APBB2: variants seen among roughly 807,000 people sequenced by gnomAD.
The protein encoded by APBB2 is amyloid beta precursor protein binding family B member 2, also known as Fe65-like 1.
In APBB2, 38 loss-of-function variants were observed where a neutral mutation model predicts 82.5. The observed-to-expected ratio is 0.46, with a 90% CI of 0.36 to 0.60. The LOEUF (loss-of-function observed/expected upper bound fraction) is 0.60, where lower values mean the gene tolerates loss of function less well. Among genes scored for constraint, APBB2 ranks in the 20% least tolerant of loss-of-function variants. The pLI is 0.00. For synonymous variants in APBB2, 341 were observed against 368.2 expected, an observed-to-expected ratio of 0.93 and a Z score of 0.85; for missense variants, 772 against 972.3, an observed-to-expected ratio of 0.79 and a Z score of 2.74.
chr4:41,115,818 G>A (rs532709517), intron 2 of APBB2, among the ~76,000 whole-genome samples: 1 of 152,310 alleles, frequency 6.6e-6, no homozygotes, highest in East Asian at 1.9e-4. Context: ...GGAAACAACA[G>A]ATACTAGAGA....
At position 40,827,119 on chromosome 4, in the gene APBB2, G is replaced by A. The variant is rs1750204654; in HGVS notation, c.1732+13C>T. 4 of 1,612,452 alleles carry A rather than the reference G, an allele frequency of 2.5e-6. No individual in the cohort carries two copies. Among genetic ancestry groups the A allele is most frequent in the South Asian group, 2.2e-5 (2 of 91,040 alleles). Reference sequence around the variant, plus strand: ...CAGGGCCATAATGAAGACATGAGGTGCCACTGACTTACCTTGCAAAGGGAC... The same window carrying A: ...CAGGGCCATAATGAAGACATGAGGTACCACTGACTTACCTTGCAAAGGGAC... On this transcript the variant is annotated intron_variant, in intron 14 of 17. Transcript: ENST00000508593.
intron 3 of APBB2, among the ~76,000 whole-genome samples, chr4:41,078,712 T>TAA (rs1335173243): frequency 2.6e-5 from 4 of 152,196 alleles, no homozygotes; most frequent in Non-Finnish European, 5.9e-5. Flanking sequence ...TTCATATGGA[T>TAA]AAACACCTTG....
chr4:41,148,978 A>G (rs189798318), intron 1 of APBB2, among the ~76,000 whole-genome samples: 2 of 152,374 alleles, frequency 1.3e-5, no homozygotes, highest in East Asian at 3.9e-4. Flanking sequence ...CAAAGTATCC[A>G]TGCAAAAGTG....
rs1182974271 is a variant in APBB2, at chr4:40,857,219, G to A, written c.1530-26642C>T. 4 of 979,638 alleles carry A rather than the reference G, an allele frequency of 4.1e-6. No individual in the cohort carries two copies. The African/African-American group carries it at 5.3e-5, about 13-fold the overall frequency. The allele number at this position is 979,638 out of a possible 1,614,324, so 60.7% of individuals were successfully genotyped here. On this transcript the variant is annotated intron_variant, in intron 12 of 17. Coordinates refer to ENST00000508593, the MANE Select transcript of APBB2 (RefSeq NM_004307.2). ...CCCCGCCCGCCGCGGCCGCCCATTG[G>A]CTGCTGGGGAGGCGCGTGGCCCCGC...
intron 6 of APBB2, among the ~76,000 whole-genome samples, chr4:41,012,059 G>T (rs1271717451): frequency 6.6e-6 from 1 of 151,516 alleles, no homozygotes; most frequent in Non-Finnish European, 1.5e-5. Context: ...AGGAGAGATG[G>T]GGTCTTACTG....
intron 6 of APBB2, among the ~76,000 whole-genome samples, chr4:40,962,754 T>A (rs983083053): frequency 6.6e-6 from 1 of 151,736 alleles, no homozygotes; most frequent in Non-Finnish European, 1.5e-5. Flanking sequence ...AAGGGAGGGA[T>A]TCAGGTGGGG....
At chr4:40,834,668 G>A (rs556356268) in intron 12 of APBB2, among the ~76,000 whole-genome samples, 5 of 152,234 alleles carry the variant, frequency 3.3e-5, no homozygotes, top group East Asian at 3.9e-4. Flanking sequence ...GGTGGGCCCC[G>A]CAAATTCACA....
chr4:41,065,266 C>T (rs1731309440), intron 4 of APBB2, among the ~76,000 whole-genome samples: 1 of 152,042 alleles, frequency 6.6e-6, no homozygotes, highest in African/African-American at 2.4e-5. Flanking sequence ...GCCTGGGCAA[C>T]AGAGCAAGAC....
At chr4:41,074,013 C>T (rs539669984) in intron 3 of APBB2, among the ~76,000 whole-genome samples, 1 of 152,144 alleles carries the variant, frequency 6.6e-6, no homozygotes, top group South Asian at 2.1e-4. Context: ...GTAGTCTCAA[C>T]TACTTGGGAG....
intron 5 of APBB2, among the ~76,000 whole-genome samples, chr4:41,029,225 T>C (rs1316165242): frequency 2.0e-5 from 3 of 152,194 alleles, no homozygotes; most frequent in Non-Finnish European, 4.4e-5. Flanking sequence ...TTACAAAATA[T>C]TAAGGAAATG....
intron 12 of APBB2, among the ~76,000 whole-genome samples, chr4:40,859,166 A>C (rs1010339683): frequency 6.6e-6 from 1 of 152,140 alleles, no homozygotes; most frequent in African/African-American, 2.4e-5. Context: ...GCTGGCAGGA[A>C]GTCATGTGTG....
intron 10 of APBB2, among the ~76,000 whole-genome samples, chr4:40,918,710 C>A (rs968905044): frequency 7.2e-6 from 1 of 138,988 alleles, no homozygotes; most frequent in African/African-American, 3.1e-5. Flanking sequence ...GACTTCCTTC[C>A]TTCCTTCCTT....
intron 12 of APBB2, among the ~76,000 whole-genome samples, chr4:40,864,814 T>C (rs1460914063): frequency 6.6e-6 from 1 of 151,044 alleles, no homozygotes; most frequent in Non-Finnish European, 1.5e-5. Flanking sequence ...TTATCCTCCA[T>C]GGTTCAGAAT....
intron 12 of APBB2, chr4:40,856,976 T>C: frequency 4.1e-6 from 4 of 985,506 alleles, no homozygotes; most frequent in South Asian, 4.7e-5. Flanking sequence ...CCGTTCCCCC[T>C]GAACGCACCT....
chr4:40,903,144 A>G lies in APBB2; in HGVS notation c.1255-9733T>C, dbSNP rs117855034. Among the ~76,000 whole-genome samples, 77 of 152,134 alleles carry G rather than the reference A, an allele frequency of 5.1e-4. 1 individual carries two copies. The East Asian group carries it at 0.013, about 26-fold the overall frequency. On this transcript the variant is annotated intron_variant, in intron 10 of 17. Transcript: ENST00000508593. ...GGCTTAGGTGACAGAGCGATACTCC[A>G]TCTCTAAAAAAAACAGTAATAAAAT...
chr4:40,906,464 C>CAAAAAAAAAAAAAAAAAAAAAAAAAA (rs5857755), intron 10 of APBB2, among the ~76,000 whole-genome samples: 2 of 68,004 alleles, frequency 2.9e-5, no homozygotes, highest in African/African-American at 6.5e-5. Flanking sequence ...AAACCTGTCT[C>CAAAAAAAAAAAAAAAAAAAAAAAAAA]AAAAAAAAAA....
intron 12 of APBB2, among the ~76,000 whole-genome samples, chr4:40,865,102 T>A (rs539276774): frequency 8.4e-4 from 128 of 152,140 alleles, no homozygotes; most frequent in Non-Finnish European, 1.6e-3. Flanking sequence ...AAGTGATCCA[T>A]CCACTTTGGT....
chr4:40,824,988 A>T (rs1749393842), intron 15 of APBB2, among the ~76,000 whole-genome samples: 1 of 152,002 alleles, frequency 6.6e-6, no homozygotes, highest in Non-Finnish European at 1.5e-5. Flanking sequence ...TTTGGGACTG[A>T]CTTCCCTCAT....
At chr4:41,035,704 T>C (rs557376733) in intron 4 of APBB2, among the ~76,000 whole-genome samples, 30 of 152,336 alleles carry the variant, frequency 2.0e-4, no homozygotes, top group South Asian at 1.0e-3. Context: ...TCTACATCCA[T>C]GCATTCAACC....
Sources: gnomAD v4.1 joint callset for allele counts (sites outside exome capture counted in the v4.1 genomes callset) on GRCh38, gnomAD v4.1.1 for gene constraint, MANE v1.5 for transcripts, NCBI Gene and HGNC (gene_info 2026-07-23, HGNC 2026-07-21) for gene names.